PTN: variants seen among roughly 807,000 people sequenced by gnomAD.
PTN encodes the protein pleiotrophin, also known as heparin affin regulatory protein.
In PTN, 18 loss-of-function variants were observed where a neutral mutation model predicts 24.1. The observed-to-expected ratio is 0.75, with a 90% confidence interval of 0.52 to 1.11. The LOEUF (loss-of-function observed/expected upper bound fraction) is 1.11. Among genes scored for constraint, PTN ranks in the 50% least tolerant of loss-of-function variants. PTN has a pLI of 0.00. For synonymous variants in PTN, 78 were observed against 68.6 expected (o/e 1.14, Z -0.67); for missense variants, 163 against 198.8 (o/e 0.82, Z 1.08).
At chr7:137,300,467 C>A (rs1285238638) in intron 1 of PTN, among the ~76,000 whole-genome samples, 1 of 151,944 alleles carries the variant, frequency 6.6e-6, no homozygotes, top group Non-Finnish European at 1.5e-5. Flanking sequence ...AACTGACAAA[C>A]AAGCTGACAG....
chr7:137,233,125 G>C (rs1808457602), intron 4 of PTN, among the ~76,000 whole-genome samples: 1 of 151,882 alleles, frequency 6.6e-6, no homozygotes, highest in Admixed American at 6.6e-5. Flanking sequence ...TTTTTTCTAT[G>C]CTGAATAGAA....
At chr7:137,292,159 T>C (rs181724323) in intron 1 of PTN, among the ~76,000 whole-genome samples, 52 of 152,298 alleles carry the variant, frequency 3.4e-4, no homozygotes, top group African/African-American at 1.2e-3. Flanking sequence ...GGTGGGGGAT[T>C]GGTTCCAGGA....
intron 1 of PTN, among the ~76,000 whole-genome samples, chr7:137,288,425 C>T (rs1179285042): frequency 4.6e-5 from 7 of 152,150 alleles, no homozygotes; most frequent in African/African-American, 1.7e-4. Flanking sequence ...ACACACCTTG[C>T]CCACCCAGTT....
chr7:137,237,549 TTAAA>T (rs1808545614), intron 4 of PTN, among the ~76,000 whole-genome samples: 1 of 152,188 alleles, frequency 6.6e-6, no homozygotes, highest in Non-Finnish European at 1.5e-5. Context: ...TCCTCCAGAA[TTAAA>T]TAATTTTTAA....
chr7:137,333,347 A>T (rs1311081232), intron 1 of PTN, among the ~76,000 whole-genome samples: 2 of 152,206 alleles, frequency 1.3e-5, no homozygotes, highest in African/African-American at 4.8e-5. Context: ...GTATTCCTTT[A>T]TAGCAACACA....
chr7:137,289,417 C>T (rs1323242060), intron 1 of PTN, among the ~76,000 whole-genome samples: 1 of 152,164 alleles, frequency 6.6e-6, no homozygotes, highest in Non-Finnish European at 1.5e-5. Context: ...CACGACTTCT[C>T]TTATCGATCG....
At chr7:137,228,122 T>G in intron 4 of PTN, 47 bp from the exon 5 acceptor site, 1 of 1,222,538 alleles carries the variant, frequency 8.2e-7, no homozygotes. Context: ...GAGAAAAATG[T>G]CAAGTTACTA....
intron 2 of PTN, 63 bp downstream of exon 2, chr7:137,254,796 G>T: frequency 1.8e-6 from 2 of 1,113,816 alleles, no homozygotes; most frequent in South Asian, 2.4e-5. Flanking sequence ...AGGAAAAGCA[G>T]GTAATTAGAC....
At chr7:137,298,800 T>A (rs1170426860) in intron 1 of PTN, among the ~76,000 whole-genome samples, 5 of 152,084 alleles carry the variant, frequency 3.3e-5, no homozygotes, top group Non-Finnish European at 7.4e-5. Flanking sequence ...TGGTTTCTTA[T>A]CCAAAATTCA....
intron 1 of PTN, among the ~76,000 whole-genome samples, chr7:137,284,091 C>T (rs1321208818): frequency 6.7e-6 from 1 of 149,596 alleles, no homozygotes. Flanking sequence ...CTCAGCCTCT[C>T]CGAGTAGCTG....
chr7:137,328,170 C>T (rs1169488728), intron 1 of PTN, among the ~76,000 whole-genome samples: 1 of 152,192 alleles, frequency 6.6e-6, no homozygotes, highest in Non-Finnish European at 1.5e-5. Flanking sequence ...AAAATTTTTA[C>T]TGTGTGACTA....
chr7:137,338,326 A>G (rs1810481092), intron 1 of PTN, among the ~76,000 whole-genome samples: 1 of 152,192 alleles, frequency 6.6e-6, no homozygotes, highest in African/African-American at 2.4e-5. Flanking sequence ...TTCTAAATAA[A>G]CTCAGTCTGA....
At chr7:137,239,407 T>TTTATTTATTTATTTATTTA (rs1431635224) in intron 4 of PTN, among the ~76,000 whole-genome samples, 114 of 143,164 alleles carry the variant, frequency 8.0e-4, no homozygotes, top group African/African-American at 2.6e-3. Flanking sequence ...TATTTATTTA[T>TTTATTTATTTATTTATTTA]TTATTATTAT....
chr7:137,235,995 C>T lies in PTN; in HGVS notation c.452-7920G>A, dbSNP rs1366863739. The T allele has an allele frequency of 5.1e-6, 3 of 584,038 alleles. No individual in the cohort carries two copies. The African/African-American group carries it at 5.6e-5, about 11-fold the overall frequency. 36.2% of individuals were successfully genotyped at this position (584,038 alleles called of 1,614,324 possible). A position where few individuals can be genotyped will look rare whatever the true frequency, so the allele number is the denominator to read the frequency against. The stretch of plus-strand genomic sequence containing the variant: ...GGCGGCTCAGCATTTAACTGCATCT[C>T]CTAAAAACAGAAAGTTTAGCTATGA... On this transcript the variant is annotated intron_variant, in intron 4 of 4. Transcript: ENST00000348225.
chr7:137,342,430 C>T (rs1458140611), intron 1 of PTN, among the ~76,000 whole-genome samples: 1 of 152,116 alleles, frequency 6.6e-6, no homozygotes, highest in Non-Finnish European at 1.5e-5. Context: ...CCTACCCCTC[C>T]TATTTTCTGA....
chr7:137,235,565 C>T (rs1808504781), intron 4 of PTN, among the ~76,000 whole-genome samples: 1 of 152,152 alleles, frequency 6.6e-6, no homozygotes, highest in Admixed American at 6.6e-5. Context: ...CAGTCCAATG[C>T]CTATGCAATA....
chr7:137,333,691 C>G (rs1405560571), intron 1 of PTN, among the ~76,000 whole-genome samples: 2 of 152,114 alleles, frequency 1.3e-5, no homozygotes, highest in African/African-American at 4.8e-5. Flanking sequence ...GAAAAAACTA[C>G]TTTAAAGTTC....
chr7:137,343,158 G>A (rs905921353), intron 1 of PTN, among the ~76,000 whole-genome samples: 3 of 152,136 alleles, frequency 2.0e-5, no homozygotes, highest in Non-Finnish European at 4.4e-5. Flanking sequence ...CTCTCCAGCT[G>A]GTAGCTGGAA....
chr7:137,335,202 A>T (rs1396166728), intron 1 of PTN, among the ~76,000 whole-genome samples: 2 of 152,114 alleles, frequency 1.3e-5, no homozygotes, highest in Non-Finnish European at 1.5e-5. Flanking sequence ...ATAATAATAA[A>T]AAAAAAAGAA....
Sources: gnomAD v4.1 joint callset for allele counts (sites outside exome capture counted in the v4.1 genomes callset) on GRCh38, gnomAD v4.1.1 for gene constraint, MANE v1.5 for transcripts, NCBI Gene and HGNC (gene_info 2026-07-23, HGNC 2026-07-21) for gene names.